ABHD2: variants seen among roughly 807,000 people sequenced by gnomAD.
The protein encoded by ABHD2 is monoacylglycerol lipase ABHD2.
In ABHD2, 20 loss-of-function variants were observed where a neutral mutation model predicts 48.1. The ratio of observed to expected loss-of-function variants is 0.42; its 90% CI spans 0.29 to 0.60. The LOEUF is 0.60. Among genes scored for constraint, ABHD2 ranks in the 20% least tolerant of loss-of-function variants. ABHD2 has a pLI of 0.24. For synonymous variants in ABHD2, 209 were observed against 214.2 expected (o/e 0.98, Z 0.21); for missense variants, 405 against 550.9 (o/e 0.74, Z 2.65).
At chr15:89,136,945 CG>C (rs1047926235) in intron 3 of ABHD2, among the ~76,000 whole-genome samples, 7 of 152,216 alleles carry the variant, frequency 4.6e-5, no homozygotes, top group Non-Finnish European at 1.0e-4. Context: ...GGACAAGACA[CG>C]GGTGCTCTGT....
the ABHD2 span, among the ~76,000 whole-genome samples, chr15:89,048,224 G>T: frequency 3.3e-5 from 5 of 151,698 alleles, no homozygotes; most frequent in African/African-American, 9.7e-5. Flanking sequence ...TTGAATATTG[G>T]CCCCCACTCT....
chr15:89,064,480 G>A, the ABHD2 span, among the ~76,000 whole-genome samples: 40 of 151,826 alleles, frequency 2.6e-4, 1 homozygote, highest in Non-Finnish European at 5.7e-4. Flanking sequence ...CGCCCACCTC[G>A]GCCTCCCAAA....
chr15:89,066,315 T>A, the ABHD2 span, among the ~76,000 whole-genome samples: 1 of 152,136 alleles, frequency 6.6e-6, no homozygotes, highest in East Asian at 1.9e-4. Flanking sequence ...TTGCTGGCAA[T>A]CCTTAGTGGT....
In ABHD2 at chr15:89,185,704, C is replaced by T. The variant is rs775867303; in HGVS notation, c.815+188C>T. 4.6e-5 allele frequency among the ~76,000 whole-genome samples: 7 copies of T among 152,188 alleles called. No individual in the cohort carries two copies. The highest frequency in any genetic ancestry group is 7.2e-5 in the African/African-American group (3 of 41,452). On this transcript the variant is annotated intron_variant, in intron 7 of 10. Transcript: ENST00000352732. This position sits in a 1 kb window ranked among gnomAD's most constrained non-coding sequence, Gnocchi z 5.9. ...CTTGTCTTGGCCAGGCGCGGTGGCT[C>T]ACGCCTGTAACCCCAGCACTTTGGG...
At position 89,188,154 on chromosome 15, in the gene ABHD2, C is replaced by T. The variant is rs1231264991; in HGVS notation, c.816-39C>T. 5 of 1,579,880 alleles carry T rather than the reference C, an allele frequency of 3.2e-6. No individual in the cohort carries two copies. The highest frequency in any genetic ancestry group is 4.4e-6 in the Non-Finnish European group (5 of 1,149,156). On this transcript the variant is annotated intron_variant, in intron 7 of 10. Transcript: ENST00000352732. The surrounding 1 kb of genome is among the most constrained non-coding windows in gnomAD (Gnocchi z 4.1). Reference sequence around the variant, plus strand: ...AGGCTATGCCATGGTTGTTCATCCTCCACATCTTAATCTCTGTTTGCTTTT... The same window carrying T: ...AGGCTATGCCATGGTTGTTCATCCTTCACATCTTAATCTCTGTTTGCTTTT...
In ABHD2 at chr15:89,120,306, T is replaced by G. The variant is rs2050028624; in HGVS notation, c.194+3785T>G. 1.3e-5 allele frequency among the ~76,000 whole-genome samples: 2 copies of G among 152,224 alleles called. No individual in the cohort carries two copies. Reference sequence around the variant, plus strand: ...AATATTTACCTAGTGATTCATTTTTTGTTCTCATGAAGTGTTTACTTTTAG... The same window carrying G: ...AATATTTACCTAGTGATTCATTTTTGGTTCTCATGAAGTGTTTACTTTTAG... On this transcript the variant is annotated intron_variant, in intron 3 of 10. Coordinates refer to ENST00000352732, the MANE Select transcript of ABHD2 (RefSeq NM_152924.5). This position sits in a 1 kb window ranked among gnomAD's most constrained non-coding sequence, Gnocchi z 4.2.
the ABHD2 span, among the ~76,000 whole-genome samples, chr15:89,046,323 A>G: frequency 1.3e-5 from 2 of 152,316 alleles, no homozygotes; most frequent in African/African-American, 4.8e-5. Context: ...GGATTTTTGC[A>G]TCGATGTTCA....
intron 3 of ABHD2, among the ~76,000 whole-genome samples, chr15:89,139,366 A>G (rs1277320452): frequency 6.6e-6 from 1 of 152,028 alleles, no homozygotes; most frequent in African/African-American, 2.4e-5. Flanking sequence ...TTGTCTCCCC[A>G]TAGTATCATC....
rs546079707 is a variant in ABHD2, at chr15:89,146,966, A to G, written c.195-4711A>G. Among the ~76,000 whole-genome samples the G allele has an allele frequency of 6.6e-6, 1 of 152,354 alleles. No homozygotes were observed. The highest frequency in any genetic ancestry group is 1.9e-4 in the East Asian group (1 of 5,194). On this transcript the variant is annotated intron_variant, in intron 3 of 10. Coordinates refer to ENST00000352732, the MANE Select transcript of ABHD2 (RefSeq NM_152924.5). The surrounding 1 kb of genome is among the most constrained non-coding windows in gnomAD (Gnocchi z 4.2). ...GGAAAATAAAATGCTGAAATCTGCC[A>G]AGAAAATTTTGAAAAATAACAAAGG...
Position 89,201,554 on chromosome 15 carries a change from A to G in ABHD2, c.*6131A>G. On this transcript the variant is annotated 3_prime_UTR_variant, in exon 11 of 11. Coordinates refer to ENST00000352732, the MANE Select transcript of ABHD2 (RefSeq NM_152924.5). Reference sequence around the variant, plus strand: ...TACTCTTTTCATTCGGATCATAGTCAAAGGGCTGTAGCATTACTGAAACAG... The same window carrying G: ...TACTCTTTTCATTCGGATCATAGTCGAAGGGCTGTAGCATTACTGAAACAG... The G allele has an allele frequency of 3.8e-6, 6 of 1,596,798 alleles. No homozygotes were observed. In the South Asian group the frequency reaches 6.6e-5, roughly 18 times the overall value.
chr15:89,201,838 G>A lies in ABHD2; in HGVS notation c.*6415G>A, dbSNP rs556594892. 6.1e-5 allele frequency: 65 copies of A among 1,060,616 alleles called. 1 individual carries two copies. The South Asian group carries it at 6.9e-4, about 11-fold the overall frequency. 65.7% of individuals were successfully genotyped at this position (1,060,616 alleles called of 1,614,324 possible). A position where few individuals can be genotyped will look rare whatever the true frequency, so the allele number is the denominator to read the frequency against. ...GCGCAGAGCAGGGGGCGGCTTGCTC[G>A]CTGGGGGCGGGGGACGATGGCGAGA... is the stretch of plus-strand genomic sequence containing the variant. On this transcript the variant is annotated 3_prime_UTR_variant, in exon 11 of 11. Transcript: ENST00000352732.
chr15:89,167,709 G>T lies in ABHD2; in HGVS notation c.539-8103G>T, dbSNP rs139464922. Among the ~76,000 whole-genome samples, 5 of 152,286 alleles carry T rather than the reference G, an allele frequency of 3.3e-5. No homozygotes were observed. In the East Asian group the frequency reaches 9.6e-4, roughly 29 times the overall value. ...AAGGGGCCTTAACTTTATTTCTACAGCTATTGTATTCCTGGATGACTCAGC... is the reference window on the plus strand; with the variant it reads ...AAGGGGCCTTAACTTTATTTCTACATCTATTGTATTCCTGGATGACTCAGC... On this transcript the variant is annotated intron_variant, in intron 5 of 10. Coordinates refer to ENST00000352732, the MANE Select transcript of ABHD2 (RefSeq NM_152924.5). This position sits in a 1 kb window ranked among gnomAD's most constrained non-coding sequence, Gnocchi z 5.5.
In ABHD2 at chr15:89,184,272, G is replaced by T. The variant is rs2150942424; in HGVS notation, c.723-1152G>T. 6.6e-6 allele frequency among the ~76,000 whole-genome samples: 1 copy of T among 152,168 alleles called. No homozygotes were observed. Among genetic ancestry groups the T allele is most frequent in the East Asian group, 1.9e-4 (1 of 5,182 alleles). ...GCCATTCTAAAATTGTAGCAGCTTT[G>T]GGGAAATTACTTTTATAAAATTACT... On this transcript the variant is annotated intron_variant, in intron 6 of 10. Coordinates refer to ENST00000352732, the MANE Select transcript of ABHD2 (RefSeq NM_152924.5). The surrounding 1 kb of genome is among the most constrained non-coding windows in gnomAD (Gnocchi z 5.1).
Position 89,125,907 on chromosome 15 carries a change from C to T in ABHD2, c.194+9386C>T, listed in dbSNP as rs562035489. The stretch of plus-strand genomic sequence containing the variant: ...GTAGCTTCTTCTTAGAGACTTTATG[C>T]CTTCTTATAGGAATTGCCGAAGCCT... On this transcript the variant is annotated intron_variant, in intron 3 of 10. Transcript: ENST00000352732. Among the ~76,000 whole-genome samples the T allele has an allele frequency of 2.0e-5, 3 of 152,128 alleles. No homozygotes were observed. The East Asian group carries it at 5.8e-4, about 29-fold the overall frequency.
upstream of ABHD2, among the ~76,000 whole-genome samples, chr15:89,084,210 A>T (rs1402144802): frequency 2.6e-4 from 1 of 3,820 alleles, no homozygotes; most frequent in Non-Finnish European, 6.4e-4. This position sits in a 1 kb window ranked among gnomAD's most constrained non-coding sequence, Gnocchi z 4.4. Flanking sequence ...TTGCTAGTGT[A>T]AAAAAAAAAA....
At chr15:89,108,689 T>C (rs2049825832) in intron 1 of ABHD2, among the ~76,000 whole-genome samples, 1 of 152,200 alleles carries the variant, frequency 6.6e-6, no homozygotes, top group Admixed American at 6.5e-5. Context: ...CACGATCCCA[T>C]GCAGGTGGAA....
chr15:89,100,256 C>G lies in ABHD2; in HGVS notation c.-107+11693C>G, dbSNP rs1327536356. 6.6e-6 allele frequency among the ~76,000 whole-genome samples: 1 copy of G among 151,998 alleles called. No homozygotes were observed. The highest frequency in any genetic ancestry group is 2.4e-5 in the African/African-American group (1 of 41,352). On this transcript the variant is annotated intron_variant, in intron 1 of 10. Transcript: ENST00000352732. The surrounding 1 kb of genome is among the most constrained non-coding windows in gnomAD (Gnocchi z 4.4). ...TCCTTTGTCTTCTCTGGTGAGCACA[C>G]CACTCCCAAGTTCACATTGTGTTGT...
At chr15:89,142,268 A>G (rs1468690083) in intron 3 of ABHD2, among the ~76,000 whole-genome samples, 1 of 152,250 alleles carries the variant, frequency 6.6e-6, no homozygotes, top group Non-Finnish European at 1.5e-5. Flanking sequence ...GGACTTTGAA[A>G]AACTATGAAG....
rs1185975368 is a variant in ABHD2, at chr15:89,146,755, A to G, written c.195-4922A>G. Reference sequence around the variant, plus strand: ...GCGTAGTAAAAATGGAATATTCTGTAAAACATGAAGAAAGCAATGAAATTT... The same window carrying G: ...GCGTAGTAAAAATGGAATATTCTGTGAAACATGAAGAAAGCAATGAAATTT... On this transcript the variant is annotated intron_variant, in intron 3 of 10. Transcript: ENST00000352732. This position sits in a 1 kb window ranked among gnomAD's most constrained non-coding sequence, Gnocchi z 4.2. Among the ~76,000 whole-genome samples the G allele has an allele frequency of 6.6e-6, 1 of 152,246 alleles. No homozygotes were observed. Among genetic ancestry groups the G allele is most frequent in the Admixed American group, 6.5e-5 (1 of 15,278 alleles).
Sources: gnomAD v4.1 joint callset for allele counts (sites outside exome capture counted in the v4.1 genomes callset) on GRCh38, gnomAD v4.1.1 for gene constraint, Gnocchi (gnomAD v3.1) non-coding constraint, MANE v1.5 for transcripts, NCBI Gene and HGNC (gene_info 2026-07-23, HGNC 2026-07-21) for gene names.